Variants in DENND4C observed in about 807,000 individuals in gnomAD.
DENND4C encodes DENN domain-containing protein 4C.
Under a neutral mutation model 203.0 loss-of-function variants are expected in DENND4C, and 108 were observed. That is an observed-to-expected ratio of 0.53 (90% CI 0.46 to 0.62). The LOEUF is 0.62. DENND4C is among the 20% of genes least tolerant of loss of function. DENND4C has a pLI of 0.00. For synonymous variants in DENND4C, 871 were observed against 792.4 expected, an observed-to-expected ratio of 1.10 and a Z score of -1.67; for missense variants, 2,481 against 2,301.2, an observed-to-expected ratio of 1.08 and a Z score of -1.60.
At chr9:19,355,112 A>C (rs894233314) in intron 26 of DENND4C, among the ~76,000 whole-genome samples, 1 of 151,036 alleles carries the variant, frequency 6.6e-6, no homozygotes, top group Non-Finnish European at 1.5e-5. Context: ...GGGTTTCACC[A>C]TGTTAGCCAG....
intron 21 of DENND4C, among the ~76,000 whole-genome samples, 158 bp from the exon 22 acceptor site, chr9:19,342,475 A>G (rs1011114302): frequency 7.2e-5 from 11 of 152,246 alleles, no homozygotes; most frequent in Non-Finnish European, 1.3e-4. Context: ...TTTATGGCAT[A>G]AAGTAAACCA....
At chr9:19,237,768 C>T (rs1010206092) in intron 1 of DENND4C, among the ~76,000 whole-genome samples, 1 of 152,090 alleles carries the variant, frequency 6.6e-6, no homozygotes, top group Non-Finnish European at 1.5e-5. Context: ...TTAATGCTAT[C>T]CTCTAGAAAT....
At chr9:19,254,024 C>T (rs1827299583) in intron 1 of DENND4C, among the ~76,000 whole-genome samples, 1 of 152,136 alleles carries the variant, frequency 6.6e-6, no homozygotes, top group Non-Finnish European at 1.5e-5. Flanking sequence ...AATTGTTAAA[C>T]TGTATATCTA....
At chr9:19,300,716 T>C (rs1838379178) in intron 9 of DENND4C, among the ~76,000 whole-genome samples, 1 of 152,236 alleles carries the variant, frequency 6.6e-6, no homozygotes, top group Non-Finnish European at 1.5e-5. Context: ...ATTTTAACTT[T>C]TAATAATTGT....
chr9:19,241,156 T>C (rs1823600082), intron 1 of DENND4C, among the ~76,000 whole-genome samples: 1 of 152,198 alleles, frequency 6.6e-6, no homozygotes, highest in Non-Finnish European at 1.5e-5. Flanking sequence ...TGTGCCCTAC[T>C]GTACACTTTA....
At chr9:19,235,122 A>T (rs1243166650) in intron 1 of DENND4C, among the ~76,000 whole-genome samples, 1 of 150,830 alleles carries the variant, frequency 6.6e-6, no homozygotes, top group Non-Finnish European at 1.5e-5. Context: ...CTGCCACCAC[A>T]CCCAGCTAAT....
intron 1 of DENND4C, among the ~76,000 whole-genome samples, chr9:19,240,814 A>G (rs545226120): frequency 6.6e-6 from 1 of 152,156 alleles, no homozygotes; most frequent in South Asian, 2.1e-4. Flanking sequence ...TAAAAACTCA[A>G]AAATTAGCCT....
chr9:19,265,369 G>A (rs964084458), intron 1 of DENND4C, among the ~76,000 whole-genome samples: 6 of 152,002 alleles, frequency 3.9e-5, no homozygotes, highest in Non-Finnish European at 8.8e-5. Flanking sequence ...GGTCATTTAG[G>A]AACATATTCT....
At chr9:19,344,444 C>T (rs1822350553) in intron 22 of DENND4C, among the ~76,000 whole-genome samples, 1 of 152,138 alleles carries the variant, frequency 6.6e-6, no homozygotes, top group Non-Finnish European at 1.5e-5. Context: ...TGTAGTGAGC[C>T]ATGATTGCAC....
intron 12 of DENND4C, among the ~76,000 whole-genome samples, chr9:19,321,751 G>A (rs1398059064): frequency 6.7e-6 from 1 of 149,874 alleles, no homozygotes; most frequent in East Asian, 2.0e-4. Flanking sequence ...AGAATCACTC[G>A]AACCTGGGAG....
At chr9:19,231,224 C>A (rs1031072739) in intron 1 of DENND4C, among the ~76,000 whole-genome samples, 7 of 152,034 alleles carry the variant, frequency 4.6e-5, no homozygotes, top group African/African-American at 1.7e-4. Context: ...TCGGGGCTTC[C>A]CAGAGGGGGT....
Position 19,373,508 on chromosome 9 carries a change from G to GA in DENND4C, c.*1336dup, listed in dbSNP as rs928509351. 8.6e-4 allele frequency: 132 copies of GA among 152,674 alleles called. No homozygotes were observed. Among genetic ancestry groups the GA allele is most frequent in the African/African-American group, 3.1e-3 (128 of 41,550 alleles). 9.5% of individuals were successfully genotyped at this position (152,674 alleles called of 1,614,324 possible). A position where few individuals can be genotyped will look rare whatever the true frequency, so the allele number is the denominator to read the frequency against. ...CGGAAGTTTTATTCTTGTATATTTA[G>GA]ATTTGTATGCTTGTGAGTAAAAATG... On this transcript the variant is annotated 3_prime_UTR_variant, in exon 33 of 33. Transcript: ENST00000434457.
chr9:19,349,856 A>G (rs1329506898), intron 23 of DENND4C, among the ~76,000 whole-genome samples: 1 of 152,216 alleles, frequency 6.6e-6, no homozygotes, highest in Non-Finnish European at 1.5e-5. Context: ...CAGGTGAAAA[A>G]CAATATTCTA....
rs1047397772 is a variant in DENND4C at position 19,265,375 on chromosome 9, A to G, written c.-17-10783A>G. Among the ~76,000 whole-genome samples, 7 of 152,084 alleles carry G rather than the reference A, an allele frequency of 4.6e-5. No homozygotes were observed. The East Asian group carries it at 1.3e-3, about 29-fold the overall frequency. ...TGACCCAGTGGTCATTTAGGAACATATTCTTTAATTTCCATGTGTTTACGT... is the reference window on the plus strand; with the variant it reads ...TGACCCAGTGGTCATTTAGGAACATGTTCTTTAATTTCCATGTGTTTACGT... On this transcript the variant is annotated intron_variant, in intron 1 of 32. Coordinates refer to ENST00000434457, the MANE Select transcript of DENND4C (RefSeq NM_001330640.2).
At position 19,243,310 on chromosome 9, in the gene DENND4C, T is replaced by A. The variant is rs1159701548; in HGVS notation, c.-18+12477T>A. Among the ~76,000 whole-genome samples, 8 of 152,234 alleles carry A rather than the reference T, an allele frequency of 5.3e-5. 1 individual carries two copies. In the East Asian group the frequency reaches 1.5e-3, roughly 29 times the overall value. ...GTGTTTTTCAGGTTCACCTATGTTG[T>A]AGTATGTATCACTCCTTCATTCCTT... On this transcript the variant is annotated intron_variant, in intron 1 of 32. Transcript: ENST00000434457.
intron 12 of DENND4C, among the ~76,000 whole-genome samples, chr9:19,319,383 T>TATATATATACACAC (rs1842465222): frequency 3.0e-5 from 4 of 133,350 alleles, no homozygotes; most frequent in African/African-American, 1.4e-4. Flanking sequence ...TACACATACA[T>TATATATATACACAC]ATATATATAC....
rs747568017 is a variant in DENND4C, at chr9:19,316,487, T to A, written c.1558T>A (p.Leu520Ile). 6.2e-7 allele frequency: 1 copy of A among 1,613,780 alleles called. No homozygotes were observed. Residue 520 changes from leucine to isoleucine, a missense_variant, in exon 11 of 33, where the codon TTA becomes ATA. Around this residue, in one of 3 missense-constraint regions of DENND4C, gnomAD observed 2,289 missense variants for 2,113.3 expected, o/e 1.08. Coordinates refer to ENST00000434457, the MANE Select transcript of DENND4C (RefSeq NM_001330640.2). ...KKPCKNLLST[L>I]KKLYPQLSSV... ...GCCGTGCAAAAATCTACTTAGCACC[T>A]TAAAGAAATTGTATCCCCAGCTGTC...
chr9:19,250,028 G>T (rs61194458), intron 1 of DENND4C, among the ~76,000 whole-genome samples: 9,619 of 152,190 alleles, frequency 0.063, 567 homozygotes, highest in African/African-American at 0.15. Context: ...GCTGGGCGCT[G>T]TAGCTAATAC....
At chr9:19,285,232 T>C (rs1834951511) in intron 2 of DENND4C, among the ~76,000 whole-genome samples, 1 of 152,186 alleles carries the variant, frequency 6.6e-6, no homozygotes. Context: ...TCCTTGCTAA[T>C]ACTCTCCTGA....
Sources: gnomAD v4.1 joint callset for allele counts (sites outside exome capture counted in the v4.1 genomes callset) on GRCh38, gnomAD v4.1.1 for gene constraint, gnomAD v4.1.1 regional missense constraint, MANE v1.5 for transcripts, NCBI Gene and HGNC (gene_info 2026-07-23, HGNC 2026-07-21) for gene names.